Variants in PARD3 observed in about 807,000 individuals in gnomAD.
PARD3 encodes the protein par-3 family cell polarity regulator, also known as partitioning defective 3 homolog.
A neutral mutation model predicts 155.4 loss-of-function variants in PARD3; 75 were observed. That is an observed-to-expected ratio of 0.48 (90% confidence interval 0.40 to 0.58). The LOEUF (loss-of-function observed/expected upper bound fraction) is 0.58. Ranked by LOEUF, PARD3 falls within the 20% of genes least tolerant of loss-of-function variation. The pLI, the probability that PARD3 is intolerant of heterozygous loss-of-function variation, is 0.00. For missense variants in PARD3, 1,642 were observed against 1,721.7 expected (o/e 0.95, Z 0.82); for synonymous variants, 576 against 610.5 (o/e 0.94, Z 0.83).
At chr10:34,449,380 A>G (rs1038092722) in intron 5 of PARD3, among the ~76,000 whole-genome samples, 7 of 151,524 alleles carry the variant, frequency 4.6e-5, no homozygotes, top group Non-Finnish European at 4.4e-5. Context: ...TCCCTACTAC[A>G]AAAAACCCAT....
At chr10:34,427,817 A>G (rs899451909) in intron 5 of PARD3, among the ~76,000 whole-genome samples, 2 of 152,310 alleles carry the variant, frequency 1.3e-5, no homozygotes, top group Middle Eastern at 3.4e-3. Context: ...AAAATATAAA[A>G]GAAACTACGT....
chr10:34,666,797 AT>A (rs1481152939), intron 2 of PARD3, among the ~76,000 whole-genome samples: 74 of 65,080 alleles, frequency 1.1e-3, no homozygotes, highest in African/African-American at 3.7e-3. Flanking sequence ...AAAAAAAAAA[AT>A]ATATATATAT....
chr10:34,606,586 A>G (rs1384369144), intron 2 of PARD3, among the ~76,000 whole-genome samples: 3 of 144,822 alleles, frequency 2.1e-5, no homozygotes, highest in Non-Finnish European at 3.0e-5. Flanking sequence ...GGATCACTTG[A>G]GGCCAGGAGT....
intron 2 of PARD3, among the ~76,000 whole-genome samples, chr10:34,527,190 C>T (rs1375088379): frequency 6.6e-6 from 1 of 152,202 alleles, no homozygotes; most frequent in Non-Finnish European, 1.5e-5. Context: ...GAAAACTTCT[C>T]CACACAATGT....
intron 20 of PARD3, among the ~76,000 whole-genome samples, chr10:34,294,610 A>G (rs1956822132): frequency 6.6e-6 from 1 of 152,248 alleles, no homozygotes; most frequent in Non-Finnish European, 1.5e-5. Context: ...TAAGAGGTGC[A>G]GATTTTCTTT....
chr10:34,481,246 C>T (rs546592459), intron 3 of PARD3, among the ~76,000 whole-genome samples: 47 of 152,228 alleles, frequency 3.1e-4, no homozygotes, highest in Non-Finnish European at 5.9e-4. Context: ...TCCTCCCTTT[C>T]CCTCTCCCTC....
intron 2 of PARD3, among the ~76,000 whole-genome samples, chr10:34,597,853 AG>A (rs934479706): frequency 3.9e-5 from 6 of 152,166 alleles, no homozygotes; most frequent in African/African-American, 1.4e-4. Context: ...CTGCACTTTC[AG>A]TCAGCAATTA....
chr10:34,725,148 T>TGTGTGTGA (rs1554820533), intron 1 of PARD3, among the ~76,000 whole-genome samples: 2 of 111,516 alleles, frequency 1.8e-5, no homozygotes, highest in Non-Finnish European at 3.9e-5. Context: ...TGTGTGTGTG[T>TGTGTGTGA]GTGACAGAGA....
At chr10:34,351,544 G>C (rs1228987638) in intron 14 of PARD3, among the ~76,000 whole-genome samples, 1 of 152,222 alleles carries the variant, frequency 6.6e-6, no homozygotes, top group Non-Finnish European at 1.5e-5. Context: ...GGAGAGTGAA[G>C]GAAGATTTAG....
chr10:34,491,609 A>G (rs2079912826), intron 3 of PARD3, among the ~76,000 whole-genome samples: 1 of 152,246 alleles, frequency 6.6e-6, no homozygotes, highest in African/African-American at 2.4e-5. Flanking sequence ...CACTGTGACA[A>G]TTCAAATCCT....
chr10:34,505,587 T>A (rs186143877), intron 3 of PARD3, among the ~76,000 whole-genome samples: 1 of 150,234 alleles, frequency 6.7e-6, no homozygotes, highest in Non-Finnish European at 1.5e-5. Context: ...GTGGACACCC[T>A]ACAGGCAGCC....
intron 2 of PARD3, among the ~76,000 whole-genome samples, chr10:34,666,176 C>T (rs114620746): frequency 1.6e-3 from 241 of 151,004 alleles, no homozygotes; most frequent in African/African-American, 5.6e-3. Flanking sequence ...GCCAGGATTA[C>T]ACCAGTGCAC....
chr10:34,412,149 G>C (rs1845148295), intron 5 of PARD3, among the ~76,000 whole-genome samples: 2 of 151,952 alleles, frequency 1.3e-5, no homozygotes, highest in Admixed American at 1.3e-4. Context: ...TATTTGTACA[G>C]ACTGGGTCTC....
At position 34,111,220 on chromosome 10, in the gene PARD3, C is replaced by A; in HGVS notation, c.4011G>T (p.Ala1337=). The stretch of plus-strand genomic sequence containing the variant: ...CAGGAGTCTGAAGTCTGTTCAGCCT[C>A]GCAACCTGAGAAGGGGAGGGGGGCA... ...QDVPPSPSQV[A]RLNRLQTPEK... Residue 1337 remains alanine (A), a synonymous_variant, in exon 25 of 25, where the codon GCG becomes GCT. Coordinates refer to ENST00000374788, the MANE Select transcript of PARD3 (RefSeq NM_001184785.2). 1 of 1,606,612 alleles carries A rather than the reference C, an allele frequency of 6.2e-7. No individual in the cohort carries two copies.
chr10:34,201,588 C>T (rs1266320254), intron 22 of PARD3, among the ~76,000 whole-genome samples: 2 of 152,092 alleles, frequency 1.3e-5, no homozygotes, highest in Admixed American at 6.5e-5. Flanking sequence ...AAAAGGGGAG[C>T]CATGTTTTAA....
intron 22 of PARD3, among the ~76,000 whole-genome samples, chr10:34,200,402 T>C (rs1951156763): frequency 1.3e-5 from 2 of 152,092 alleles, no homozygotes; most frequent in African/African-American, 2.4e-5. Flanking sequence ...TGCTGCCCAA[T>C]GGAACTTTTG....
chr10:34,301,219 A>AT (rs547118342), intron 20 of PARD3, among the ~76,000 whole-genome samples: 180 of 152,298 alleles, frequency 1.2e-3, no homozygotes, highest in African/African-American at 4.2e-3. Context: ...ATATTCAAGT[A>AT]TATCACAGAG....
At chr10:34,610,206 T>G (rs1436498491) in intron 2 of PARD3, among the ~76,000 whole-genome samples, 1 of 152,182 alleles carries the variant, frequency 6.6e-6, no homozygotes, top group Non-Finnish European at 1.5e-5. Context: ...GCAAGAAGGA[T>G]GAGAGTCATT....
In PARD3 at chr10:34,359,237, C is replaced by G; in HGVS notation, c.1977G>C (p.Met659Ile). 6.2e-7 allele frequency: 1 copy of G among 1,613,582 alleles called. No homozygotes were observed. The highest frequency in any genetic ancestry group is 2.2e-5 in the East Asian group (1 of 44,864). Residue 659 changes from methionine (M) to isoleucine (I), a missense_variant, in exon 14 of 25, where the codon ATG (methionine) becomes ATC (isoleucine). This residue lies in a region of PARD3 where 1,529 missense variants were observed against 1,587.3 expected (regional missense o/e 0.96). Coordinates refer to ENST00000374788, the MANE Select transcript of PARD3 (RefSeq NM_001184785.2). ...SLLGKTNQDA[M>I]ETLRRSMSTE... ...TAGACATAGACCTTCTTAGGGTTTC[C>G]ATGGCATCTTGGTTTGTCTTGCCCA...
Sources: allele counts gnomAD v4.1 joint callset (sites outside exome capture counted in the v4.1 genomes callset), GRCh38; gene constraint gnomAD v4.1.1; regional missense constraint gnomAD v4.1.1; transcripts MANE v1.5; gene names NCBI Gene and HGNC (gene_info 2026-07-23, HGNC 2026-07-21).